The following NPC1L1 variants were observed in gnomAD, a reference collection of about 807,000 sequenced individuals.
The protein encoded by NPC1L1 is NPC1-like intracellular cholesterol transporter 1.
In NPC1L1, 98 loss-of-function variants were observed where a neutral mutation model predicts 117.0. The ratio of observed to expected loss-of-function variants is 0.84; its 90% CI spans 0.71 to 0.99. The LOEUF (loss-of-function observed/expected upper bound fraction) is 0.99. Among genes scored for constraint, NPC1L1 ranks in the 50% least tolerant of loss-of-function variants. The pLI is 0.00. For missense variants in NPC1L1, 1,540 were observed against 1,710.0 expected, an observed-to-expected ratio of 0.90 and a Z score of 1.75; for synonymous variants, 729 against 727.6, an observed-to-expected ratio of 1.00 and a Z score of -0.03.
At position 44,524,882 on chromosome 7, in the gene NPC1L1, A is replaced by G. The variant is rs893167857; in HGVS notation, c.2638-2640T>C. 3.4e-4 allele frequency among the ~76,000 whole-genome samples: 51 copies of G among 152,234 alleles called. No homozygotes were observed. The Middle Eastern group carries it at 0.01, about 30-fold the overall frequency. On this transcript the variant is annotated intron_variant, in intron 10 of 18. Coordinates refer to ENST00000381160, the MANE Select transcript of NPC1L1 (RefSeq NM_001101648.2). ...TCAATGAGGAGGAAACATAAAAAAG[A>G]GCAAAAAAACTCTGGAGCTAAAAAG...
Position 44,516,698 on chromosome 7 carries a change from G to T in NPC1L1, c.3519+5C>A, listed in dbSNP as rs1232048799. 6.2e-7 allele frequency: 1 copy of T among 1,605,092 alleles called. No homozygotes were observed. Among genetic ancestry groups the T allele is most frequent in the Non-Finnish European group, 8.5e-7 (1 of 1,175,550 alleles). ...GCCCCCTGGTGCCTGTGTCTGCTGG[G>T]TTACCGAGACCAGGTTGATGAGGGA... is the stretch of plus-strand genomic sequence containing the variant. On this transcript the variant is annotated splice_donor_5th_base_variant and intron_variant, in intron 16 of 18. Coordinates refer to ENST00000381160, the MANE Select transcript of NPC1L1 (RefSeq NM_001101648.2).
At position 44,513,074 on chromosome 7, in the gene NPC1L1, AGAATTAAGACTTTC is replaced by A. The variant is rs1262550188; in HGVS notation, c.*359_*372del. On this transcript the variant is annotated 3_prime_UTR_variant, in exon 19 of 19. Transcript: ENST00000381160. ...CTACGTGTTAAAGACTTACTGACACAGAATTAAGACTTTCGAGAGAGGAACTGAGAAGGGAAAAG... is the reference window on the plus strand; with the variant it reads ...CTACGTGTTAAAGACTTACTGACACAGAGAGAGGAACTGAGAAGGGAAAAG... 1 of 341,722 alleles carries A rather than the reference AGAATTAAGACTTTC, an allele frequency of 2.9e-6. No individual in the cohort carries two copies. Among genetic ancestry groups the A allele is most frequent in the Non-Finnish European group, 5.7e-6 (1 of 174,686 alleles). 21.2% of individuals were successfully genotyped at this position (341,722 alleles called of 1,614,324 possible).
At position 44,539,783 on chromosome 7, in the gene NPC1L1, A is replaced by G. The variant is rs376758448; in HGVS notation, c.614T>C (p.Phe205Ser). ...ALCNAQRWLN[F>S]QGDTGNGLAP... ...CAGACCATTGCCTGTGTCTCCCTGGAAGTTGAGCCAGCGCTGGGCATTGCA... is the reference window on the plus strand; with the variant it reads ...CAGACCATTGCCTGTGTCTCCCTGGGAGTTGAGCCAGCGCTGGGCATTGCA... The change falls in exon 2 of 19, where the codon TTC becomes TCC. Residue 205 changes from phenylalanine to serine, a missense_variant. Transcript: ENST00000381160. The surrounding 1 kb of genome is among the most constrained non-coding windows in gnomAD (Gnocchi z 4.4). 2 of 1,614,110 alleles carry G rather than the reference A, an allele frequency of 1.2e-6. No homozygotes were observed. Among genetic ancestry groups the G allele is most frequent in the Non-Finnish European group, 1.7e-6 (2 of 1,180,012 alleles).
chr7:44,536,415 A>G lies in NPC1L1; in HGVS notation c.1695T>C (p.Ser565=), dbSNP rs770499114. Reference sequence around the variant, plus strand: ...ACGTCATGATCAGGGCCTCTGCCTCAGAATAGTCCTTTCCTGGGATAAGAA... The same window carrying G: ...ACGTCATGATCAGGGCCTCTGCCTCGGAATAGTCCTTTCCTGGGATAAGAA... ...AIGGYKGKDY[S]EAEALIMTFS... The change falls in exon 4 of 19, where the codon TCT becomes TCC. Residue 565 remains serine, a synonymous_variant. Transcript: ENST00000381160. This position sits in a 1 kb window ranked among gnomAD's most constrained non-coding sequence, Gnocchi z 4.7. 1.9e-6 allele frequency: 3 copies of G among 1,613,020 alleles called. No homozygotes were observed. The East Asian group carries it at 6.7e-5, about 36-fold the overall frequency.
At chr7:44,537,003 C>A in intron 2 of NPC1L1, 61 bp from the exon 3 acceptor site, 1 of 1,308,430 alleles carries the variant, frequency 7.6e-7, no homozygotes, top group Non-Finnish European at 1.1e-6. Flanking sequence ...TCCCTATGGC[C>A]CCTCCCTTCC....
At chr7:44,532,561 C>G (rs1384370483) in intron 8 of NPC1L1, among the ~76,000 whole-genome samples, 1 of 152,208 alleles carries the variant, frequency 6.6e-6, no homozygotes, top group African/African-American at 2.4e-5. Context: ...TCTTCCTCCT[C>G]TTCCTCAGCC....
rs2117081280 is a variant in NPC1L1 at position 44,539,076 on chromosome 7, G to T, written c.1321C>A (p.Leu441Met). The T allele has an allele frequency of 6.2e-7, 1 of 1,614,090 alleles. No individual in the cohort carries two copies. The highest frequency in any genetic ancestry group is 8.5e-7 in the Non-Finnish European group (1 of 1,179,952). Reference sequence around the variant, plus strand: ...TCCTGCAGCTCTAGCAGCTCCAGCAGCAAGTCCAGGTCCAGGATTCCGCTG... The same window carrying T: ...TCCTGCAGCTCTAGCAGCTCCAGCATCAAGTCCAGGTCCAGGATTCCGCTG... Reference protein sequence around the residue: ...NFSGILDLDLLLELLELQERL... With the variant: ...NFSGILDLDLMLELLELQERL... The change falls in exon 2 of 19, where the codon CTG (leucine) becomes ATG (methionine). Residue 441 changes from leucine (L) to methionine (M), a missense_variant. This residue lies in a region of NPC1L1 where 793 missense variants were observed against 820.4 expected (regional missense o/e 0.97). Coordinates refer to ENST00000381160, the MANE Select transcript of NPC1L1 (RefSeq NM_001101648.2). This position sits in a 1 kb window ranked among gnomAD's most constrained non-coding sequence, Gnocchi z 4.4.
At chr7:44,531,664 G>A in intron 10 of NPC1L1, 91 bp downstream of exon 10, 2 of 1,149,876 alleles carry the variant, frequency 1.7e-6, no homozygotes, top group Non-Finnish European at 2.5e-6. Context: ...CCAAGCCCCT[G>A]GCCGGAGGAC....
Position 44,536,090 on chromosome 7 carries a change from A to G in NPC1L1, c.1855-122T>C. 1 of 1,550,798 alleles carries G rather than the reference A, an allele frequency of 6.4e-7. No homozygotes were observed. The highest frequency in any genetic ancestry group is 8.9e-7 in the Non-Finnish European group (1 of 1,126,984). On this transcript the variant is annotated intron_variant, in intron 4 of 18. Transcript: ENST00000381160. This position sits in a 1 kb window ranked among gnomAD's most constrained non-coding sequence, Gnocchi z 4.7. Reference sequence around the variant, plus strand: ...GTCATAGGGCCTGATGGCCCCCTATAATCGCAGGTGAGGCTATAAGAACAG... The same window carrying G: ...GTCATAGGGCCTGATGGCCCCCTATGATCGCAGGTGAGGCTATAAGAACAG...
chr7:44,531,883 C>T, intron 9 of NPC1L1, 39 bp from the exon 10 acceptor site: 3 of 1,548,300 alleles, frequency 1.9e-6, no homozygotes, highest in Non-Finnish European at 2.6e-6. Context: ...CCCTGCCCAA[C>T]AGCCGTCCCC....
chr7:44,513,358 G>A lies in NPC1L1; in HGVS notation c.*89C>T. ...GGAATGGCCTCCCCTAGGATTTGAG[G>A]AGGGCGTGTGTCAAGGGGCAGTCAC... On this transcript the variant is annotated 3_prime_UTR_variant, in exon 19 of 19. Transcript: ENST00000381160. The A allele has an allele frequency of 7.9e-7, 1 of 1,262,042 alleles. No individual in the cohort carries two copies. Among genetic ancestry groups the A allele is most frequent in the Non-Finnish European group, 1.2e-6 (1 of 863,924 alleles). The allele number at this position is 1,262,042 out of a possible 1,614,324, so 78.2% of individuals were successfully genotyped here.
Position 44,539,003 on chromosome 7 carries a change from ATGT to A in NPC1L1, c.1391_1393del (p.Asn464del). ...GGCGTAGCAGATGTCCTGCAGGGAG[ATGT>A]TGCGCTGTGCTTCGGGCGACCATAC... On this transcript the variant is annotated inframe_deletion, in exon 2 of 19. Transcript: ENST00000381160. The surrounding 1 kb of genome is among the most constrained non-coding windows in gnomAD (Gnocchi z 4.4). The A allele has an allele frequency of 6.2e-7, 1 of 1,613,976 alleles. No individual in the cohort carries two copies. The highest frequency in any genetic ancestry group is 1.1e-5 in the South Asian group (1 of 91,074).
At chr7:44,520,274 C>T (rs947230719) in intron 14 of NPC1L1, among the ~76,000 whole-genome samples, 51 of 151,190 alleles carry the variant, frequency 3.4e-4, no homozygotes, top group African/African-American at 1.1e-3. Context: ...AGCGAGACTC[C>T]GTCTCGAAAA....
At chr7:44,516,580 TGAGCAACA>T in intron 16 of NPC1L1, 115 bp downstream of exon 16, 1 of 847,542 alleles carries the variant, frequency 1.2e-6, no homozygotes, top group East Asian at 2.6e-5. Context: ...CCCTCAAGCC[TGAGCAACA>T]GAGCAAGACC....
At chr7:44,515,606 CA>C (rs936441510) in intron 18 of NPC1L1, among the ~76,000 whole-genome samples, 196 bp downstream of exon 18, 6 of 151,952 alleles carry the variant, frequency 3.9e-5, no homozygotes, top group African/African-American at 1.5e-4. Flanking sequence ...ACATAGCTGA[CA>C]AAAAAAGATG....
At position 44,516,937 on chromosome 7, in the gene NPC1L1, G is replaced by T. The variant is rs1217416485; in HGVS notation, c.3288-3C>A. The T allele has an allele frequency of 6.2e-7, 1 of 1,611,426 alleles. No homozygotes were observed. Among genetic ancestry groups the T allele is most frequent in the East Asian group, 2.2e-5 (1 of 44,842 alleles). On this transcript the variant is annotated splice_polypyrimidine_tract_variant and splice_region_variant and intron_variant, in intron 15 of 18. Transcript: ENST00000381160. ...GCTCATAAAACACATTGGTGATCCT[G>T]CCAGAGCACAGAGCATGGTCACAGG... is the stretch of plus-strand genomic sequence containing the variant.
rs757044326 is a variant in NPC1L1, at chr7:44,540,206, C to T, written c.191G>A (p.Arg64His). The change falls in exon 2 of 19, where the codon CGC (arginine) becomes CAC (histidine). Residue 64 changes from arginine (R) to histidine (H), a missense_variant. Arg to His is a conservative substitution (Grantham distance 29). Transcript: ENST00000381160. ...GATCAGGTGATCACCTGTGATCTTGCGGGCCGGCGTGTTGGACAGGCAGGA... is the reference window on the plus strand; with the variant it reads ...GATCAGGTGATCACCTGTGATCTTGTGGGCCGGCGTGTTGGACAGGCAGGA... ...NVSCLSNTPARKITGDHLILL... is the reference protein window; with the variant it reads ...NVSCLSNTPAHKITGDHLILL... 19 of 1,613,936 alleles carry T rather than the reference C, an allele frequency of 1.2e-5. No individual in the cohort carries two copies. Among genetic ancestry groups the T allele is most frequent in the South Asian group, 2.2e-5 (2 of 91,064 alleles).
intron 9 of NPC1L1, 58 bp downstream of exon 9, chr7:44,532,022 C>G (rs1318971256): frequency 1.2e-6 from 2 of 1,613,356 alleles, no homozygotes; most frequent in South Asian, 1.1e-5. Context: ...CCCTGCTCTC[C>G]CTGAGGCGAG....
Position 44,517,701 on chromosome 7 carries a change from T to G in NPC1L1, c.3137-344A>C, listed in dbSNP as rs1801234438. Reference sequence around the variant, plus strand: ...AAAATTAACTTAATTGGTTTTTAATTTGCATATTCCTATAGGAAAGGACTA... The same window carrying G: ...AAAATTAACTTAATTGGTTTTTAATGTGCATATTCCTATAGGAAAGGACTA... On this transcript the variant is annotated intron_variant, in intron 14 of 18. Coordinates refer to ENST00000381160, the MANE Select transcript of NPC1L1 (RefSeq NM_001101648.2). 3.3e-5 allele frequency among the ~76,000 whole-genome samples: 5 copies of G among 152,206 alleles called. No homozygotes were observed. In the South Asian group the frequency reaches 1.0e-3, roughly 31 times the overall value.
Sources: allele counts gnomAD v4.1 joint callset (sites outside exome capture counted in the v4.1 genomes callset), GRCh38; gene constraint gnomAD v4.1.1; regional missense constraint gnomAD v4.1.1; non-coding constraint Gnocchi (gnomAD v3.1); transcripts MANE v1.5; gene names NCBI Gene and HGNC (gene_info 2026-07-23, HGNC 2026-07-21).